The following TRIO variants were observed in gnomAD, a reference collection of about 807,000 sequenced individuals.
The protein encoded by TRIO is trio Rho guanine nucleotide exchange factor.
A neutral mutation model predicts 351.9 loss-of-function variants in TRIO; 58 were observed. That is an observed-to-expected ratio of 0.16 (90% confidence interval 0.13 to 0.21). The LOEUF is 0.21. TRIO is among the 10% of genes least tolerant of loss of function. The pLI is 1.00. For synonymous variants in TRIO, 1,758 were observed against 1,595.7 expected (o/e 1.10, Z -2.42); for missense variants, 3,201 against 4,027.8 (o/e 0.79, Z 5.56).
chr5:14,236,683 A>G (rs1793786285), intron 1 of TRIO, among the ~76,000 whole-genome samples: 1 of 152,148 alleles, frequency 6.6e-6, no homozygotes, highest in African/African-American at 2.4e-5. Flanking sequence ...TTTCCAAATA[A>G]CCTGTTTTGT....
At chr5:14,265,921 CACAAA>C (rs1795643444) in intron 1 of TRIO, among the ~76,000 whole-genome samples, 1 of 152,126 alleles carries the variant, frequency 6.6e-6, no homozygotes. Context: ...CCTAACATTT[CACAAA>C]ACAAAAATAG....
At chr5:14,417,183 C>G (rs963864679) in intron 33 of TRIO, among the ~76,000 whole-genome samples, 3 of 152,170 alleles carry the variant, frequency 2.0e-5, no homozygotes, top group Non-Finnish European at 4.4e-5. Context: ...TTTGACTGTT[C>G]AGAGACCTGA....
intron 1 of TRIO, among the ~76,000 whole-genome samples, chr5:14,144,328 C>T (rs1052380919): frequency 1.3e-5 from 2 of 152,166 alleles, no homozygotes; most frequent in African/African-American, 4.8e-5. Flanking sequence ...GGAAATTGGT[C>T]TTTGATCTGT....
At chr5:14,288,639 C>T (rs1015451185) in intron 4 of TRIO, among the ~76,000 whole-genome samples, 1 of 150,766 alleles carries the variant, frequency 6.6e-6, no homozygotes, top group African/African-American at 2.4e-5. Flanking sequence ...TGCACTCCAG[C>T]CTGGGCAACA....
chr5:14,330,354 T>A (rs186366995), intron 9 of TRIO, among the ~76,000 whole-genome samples: 1 of 152,356 alleles, frequency 6.6e-6, no homozygotes, highest in East Asian at 1.9e-4. Context: ...ACTCTGTAGT[T>A]AAACTTGAAT....
At chr5:14,339,739 T>G (rs1741767674) in intron 11 of TRIO, among the ~76,000 whole-genome samples, 1 of 152,186 alleles carries the variant, frequency 6.6e-6, no homozygotes, top group Non-Finnish European at 1.5e-5. Context: ...GATTTGTCTT[T>G]CCCTGACCAG....
At chr5:14,472,015 G>T (rs183984384) in intron 38 of TRIO, among the ~76,000 whole-genome samples, 31 of 152,264 alleles carry the variant, frequency 2.0e-4, no homozygotes, top group African/African-American at 6.5e-4. Flanking sequence ...CATGAGAGGT[G>T]CCAGGTTGAT....
chr5:14,143,838 A>AGGC lies in TRIO; in HGVS notation c.117_119dup (p.Ala40dup). On this transcript the variant is annotated inframe_insertion, in exon 1 of 57. Transcript: ENST00000344204. ...GGCGGTGCCGGCGAGGGGGCAGAGGAGGCGGCCAAGGACCTGGCCGACATC... is the reference window on the plus strand; with the variant it reads ...GGCGGTGCCGGCGAGGGGGCAGAGGAGGCGGCGGCCAAGGACCTGGCCGACATC... 9.3e-7 allele frequency: 1 copy of AGGC among 1,070,806 alleles called. No individual in the cohort carries two copies. The highest frequency in any genetic ancestry group is 1.1e-6 in the Non-Finnish European group (1 of 886,644). The allele number at this position is 1,070,806 out of a possible 1,614,324, so 66.3% of individuals were successfully genotyped here.
At chr5:14,219,626 G>T (rs1163968598) in intron 1 of TRIO, among the ~76,000 whole-genome samples, 2 of 152,122 alleles carry the variant, frequency 1.3e-5, no homozygotes, top group African/African-American at 4.8e-5. Flanking sequence ...AACCTGGGCC[G>T]GGTCTTCTGC....
intron 1 of TRIO, among the ~76,000 whole-genome samples, chr5:14,169,701 T>C (rs1788987278): frequency 6.6e-6 from 1 of 152,242 alleles, no homozygotes; most frequent in Non-Finnish European, 1.5e-5. Flanking sequence ...TGGTTTTTCA[T>C]GTTGGATTCA....
chr5:14,181,665 T>G (rs904397856), intron 1 of TRIO, among the ~76,000 whole-genome samples: 4 of 152,226 alleles, frequency 2.6e-5, no homozygotes, highest in Admixed American at 6.5e-5. Flanking sequence ...GAGGGCCATT[T>G]CAGTGTCCTG....
intron 2 of TRIO, among the ~76,000 whole-genome samples, chr5:14,272,272 T>G (rs868545296): frequency 1.9e-4 from 29 of 152,232 alleles, no homozygotes; most frequent in Non-Finnish European, 5.9e-5. Context: ...ATCAGTTTTT[T>G]ATTTTTAAAG....
At chr5:14,318,097 CAGCCTGGGTGACAG>C (rs1739535963) in intron 9 of TRIO, among the ~76,000 whole-genome samples, 1 of 146,376 alleles carries the variant, frequency 6.8e-6, no homozygotes. Context: ...CATTGCACTC[CAGCCTGGGTGACAG>C]AGCAAGACTC....
chr5:14,351,722 G>C (rs1048114449), intron 11 of TRIO, among the ~76,000 whole-genome samples: 1 of 152,194 alleles, frequency 6.6e-6, no homozygotes, highest in African/African-American at 2.4e-5. Flanking sequence ...AGGACCCCAG[G>C]AGATGTGTTG....
intron 10 of TRIO, among the ~76,000 whole-genome samples, chr5:14,335,342 C>G (rs1741298057): frequency 6.6e-6 from 1 of 152,140 alleles, no homozygotes; most frequent in Non-Finnish European, 1.5e-5. Context: ...TCTTACATCT[C>G]TGAGAAGGAT....
chr5:14,344,996 T>C (rs1296973826), intron 11 of TRIO, among the ~76,000 whole-genome samples: 2 of 152,192 alleles, frequency 1.3e-5, no homozygotes, highest in South Asian at 2.1e-4. Flanking sequence ...GATTTTTTTT[T>C]CCTCCAAATA....
chr5:14,451,535 G>A (rs1292373038), intron 34 of TRIO, among the ~76,000 whole-genome samples: 1 of 152,224 alleles, frequency 6.6e-6, no homozygotes, highest in African/African-American at 2.4e-5. Flanking sequence ...TCCCTTGTAT[G>A]GTGGAAGAAC....
chr5:14,444,080 CTTTT>C (rs34641629), intron 34 of TRIO, among the ~76,000 whole-genome samples: 1 of 145,058 alleles, frequency 6.9e-6, no homozygotes, highest in Non-Finnish European at 1.5e-5. Context: ...CTCTTGAAGT[CTTTT>C]TTTTTTTTTT....
chr5:14,152,696 C>T (rs1236569993), intron 1 of TRIO, among the ~76,000 whole-genome samples: 3 of 152,182 alleles, frequency 2.0e-5, no homozygotes. Flanking sequence ...GTCACTTCAC[C>T]TCCATCTAAA....
Sources: gnomAD v4.1 joint callset for allele counts (sites outside exome capture counted in the v4.1 genomes callset) on GRCh38, gnomAD v4.1.1 for gene constraint, MANE v1.5 for transcripts, NCBI Gene and HGNC (gene_info 2026-07-23, HGNC 2026-07-21) for gene names.